The following TF variants were observed in gnomAD, a reference collection of about 807,000 sequenced individuals.
TF encodes the protein transferrin.
Under a neutral mutation model 82.4 loss-of-function variants are expected in TF, and 55 were observed. The ratio of observed to expected loss-of-function variants is 0.67; its 90% confidence interval spans 0.54 to 0.84. TF has a LOEUF of 0.84. TF is among the 40% of genes least tolerant of loss of function. The probability of loss-of-function intolerance (pLI) is 0.00; values close to 1 mark genes in which losing one functional copy is unlikely to be tolerated. For missense variants in TF, 737 were observed against 868.4 expected (o/e 0.85, Z 1.90); for synonymous variants, 332 against 332.6 (o/e 1.00, Z 0.02).
At chr3:133,733,837 T>C in the TF span, among the ~76,000 whole-genome samples, 2 of 150,282 alleles carry the variant, frequency 1.3e-5, no homozygotes, top group Admixed American at 6.7e-5. Context: ...GCCTTTCTCT[T>C]GTTTCCATTT....
the TF span, among the ~76,000 whole-genome samples, chr3:133,666,763 A>G: frequency 6.6e-6 from 1 of 152,144 alleles, no homozygotes; most frequent in Admixed American, 6.5e-5. Context: ...CTGGCCAGGC[A>G]TGGTGGCTCA....
chr3:133,740,303 G>A, the TF span, among the ~76,000 whole-genome samples: 1 of 152,104 alleles, frequency 6.6e-6, no homozygotes, highest in African/African-American at 2.4e-5. Context: ...TGGACACAGG[G>A]AGGGGAACAT....
At chr3:133,769,681 G>A (rs987129948) in intron 13 of TF, among the ~76,000 whole-genome samples, 4 of 152,184 alleles carry the variant, frequency 2.6e-5, no homozygotes, top group African/African-American at 7.2e-5. Context: ...GAAGCAAGGG[G>A]ATTAAAGTAC....
At chr3:133,715,522 G>T in the TF span, among the ~76,000 whole-genome samples, 1 of 151,958 alleles carries the variant, frequency 6.6e-6, no homozygotes, top group East Asian at 1.9e-4. Flanking sequence ...TACAAAACAT[G>T]CTGCTATGTT....
chr3:133,788,330 G>A lies in TF; in HGVS notation c.*9710G>A, dbSNP rs1559884388. 6.6e-6 allele frequency: 1 copy of A among 152,218 alleles called. No individual in the cohort carries two copies. Among genetic ancestry groups the A allele is most frequent in the East Asian group, 1.9e-4 (1 of 5,186 alleles). 9.4% of individuals were successfully genotyped at this position (152,218 alleles called of 1,614,324 possible). On this transcript the variant is annotated 3_prime_UTR_variant, in exon 17 of 17. Transcript: ENST00000402696. Reference sequence around the variant, plus strand: ...TATTTCATCCTCTTCATTTACATAAGGCATATACCAAGTAACCAATGGAAA... The same window carrying A: ...TATTTCATCCTCTTCATTTACATAAAGCATATACCAAGTAACCAATGGAAA...
At chr3:133,719,758 C>T in the TF span, among the ~76,000 whole-genome samples, 1 of 152,164 alleles carries the variant, frequency 6.6e-6, no homozygotes, top group South Asian at 2.1e-4. Flanking sequence ...GGGATGTCTT[C>T]CCGTTTATTT....
chr3:133,769,894 G>A (rs1038427572), intron 13 of TF, among the ~76,000 whole-genome samples: 1 of 152,116 alleles, frequency 6.6e-6, no homozygotes, highest in Non-Finnish European at 1.5e-5. Context: ...GAAACTTCTT[G>A]GGGACTTGTA....
the TF span, among the ~76,000 whole-genome samples, chr3:133,736,523 G>A: frequency 6.7e-6 from 1 of 150,022 alleles, no homozygotes; most frequent in Non-Finnish European, 1.5e-5. Flanking sequence ...ATTGGATAGA[G>A]TCAAGACCCA....
the TF span, among the ~76,000 whole-genome samples, chr3:133,697,412 T>G: frequency 1.3e-5 from 2 of 152,242 alleles, no homozygotes; most frequent in Non-Finnish European, 2.9e-5. Flanking sequence ...ATTATGTCCT[T>G]TGGATGCTCA....
rs1451099830 is a variant in TF, at chr3:133,778,773, A to C, written c.*153A>C. Reference sequence around the variant, plus strand: ...GTGTGCTGAACAAAAAATAAAAATTATTATTGATTTTATATTTCAAAAACT... The same window carrying C: ...GTGTGCTGAACAAAAAATAAAAATTCTTATTGATTTTATATTTCAAAAACT... On this transcript the variant is annotated 3_prime_UTR_variant, in exon 17 of 17. Coordinates refer to ENST00000402696, the MANE Select transcript of TF (RefSeq NM_001063.4). The C allele has an allele frequency of 4.5e-6, 3 of 667,776 alleles. No homozygotes were observed. The highest frequency in any genetic ancestry group is 1.9e-5 in the African/African-American group (1 of 53,874). 41.4% of individuals were successfully genotyped at this position (667,776 alleles called of 1,614,324 possible). A position where few individuals can be genotyped will look rare whatever the true frequency, so the allele number is the denominator to read the frequency against.
At chr3:133,687,208 G>A in the TF span, among the ~76,000 whole-genome samples, 1 of 152,134 alleles carries the variant, frequency 6.6e-6, no homozygotes, top group Non-Finnish European at 1.5e-5. Context: ...AGTGGGGGGA[G>A]GGGAGAGGGA....
At chr3:133,664,347 G>A in the TF span, among the ~76,000 whole-genome samples, 7 of 151,378 alleles carry the variant, frequency 4.6e-5, no homozygotes, top group South Asian at 6.3e-4. Flanking sequence ...TTTTTGAGAC[G>A]GAGTCTCACT....
At chr3:133,664,731 T>C in the TF span, among the ~76,000 whole-genome samples, 1 of 152,364 alleles carries the variant, frequency 6.6e-6, no homozygotes, top group South Asian at 2.1e-4. Context: ...TTTATTGTTG[T>C]ATTTTTTCTA....
rs915359327 is a variant in TF at position 133,783,720 on chromosome 3, C to T, written c.*5100C>T. ...ACGAACAGAATTTGAGATGTGAGCG[C>T]GGACAGCTCTGCTGGGCCCTCCAGG... is the stretch of plus-strand genomic sequence containing the variant. On this transcript the variant is annotated 3_prime_UTR_variant, in exon 17 of 17. Transcript: ENST00000402696. The T allele has an allele frequency of 6.6e-6, 1 of 152,278 alleles. No homozygotes were observed. The highest frequency in any genetic ancestry group is 2.4e-5 in the African/African-American group (1 of 41,478). 9.4% of individuals were successfully genotyped at this position (152,278 alleles called of 1,614,324 possible).
chr3:133,772,026 G>A (rs911056079), intron 14 of TF, among the ~76,000 whole-genome samples: 8 of 152,066 alleles, frequency 5.3e-5, no homozygotes, highest in African/African-American at 1.9e-4. Context: ...CCTCCAGGAA[G>A]CCTTCCCAGA....
the TF span, among the ~76,000 whole-genome samples, chr3:133,676,965 A>G: frequency 6.6e-6 from 1 of 152,196 alleles, no homozygotes; most frequent in African/African-American, 2.4e-5. Context: ...GCTTTCTTCA[A>G]AGCTCAGTGT....
At chr3:133,723,864 T>G in the TF span, among the ~76,000 whole-genome samples, 1 of 152,020 alleles carries the variant, frequency 6.6e-6, no homozygotes, top group African/African-American at 2.4e-5. Flanking sequence ...GTCCATGTGT[T>G]CTCATTGTTC....
At chr3:133,776,172 C>T (rs1368184699) in intron 15 of TF, among the ~76,000 whole-genome samples, 1 of 152,216 alleles carries the variant, frequency 6.6e-6, no homozygotes, top group African/African-American at 2.4e-5. Flanking sequence ...AAGACAGCTC[C>T]TGTTTCCCAG....
the TF span, among the ~76,000 whole-genome samples, chr3:133,722,669 G>T: frequency 6.6e-6 from 1 of 152,036 alleles, no homozygotes; most frequent in African/African-American, 2.4e-5. Flanking sequence ...ATAAAAGTAC[G>T]CATTTTCCTT....
Sources: gnomAD v4.1 joint callset for allele counts (sites outside exome capture counted in the v4.1 genomes callset) on GRCh38, gnomAD v4.1.1 for gene constraint, MANE v1.5 for transcripts, NCBI Gene and HGNC (gene_info 2026-07-23, HGNC 2026-07-21) for gene names.